TMEM53: variants seen among roughly 807,000 people sequenced by gnomAD.
The protein encoded by TMEM53 is novel DUF829 domain-containing protein.
Under a neutral mutation model 21.4 loss-of-function variants are expected in TMEM53, and 14 were observed. That is an observed-to-expected ratio of 0.65 (90% CI 0.43 to 1.02). The LOEUF is 1.02. Among genes scored for constraint, TMEM53 ranks in the 50% least tolerant of loss-of-function variants. The pLI is 0.00. For synonymous variants in TMEM53, 148 were observed against 157.4 expected, an observed-to-expected ratio of 0.94 and a Z score of 0.45; for missense variants, 323 against 383.6, an observed-to-expected ratio of 0.84 and a Z score of 1.32.
chr1:44,672,182 G>C (rs1645007714), intron 1 of TMEM53, among the ~76,000 whole-genome samples: 1 of 152,228 alleles, frequency 6.6e-6, no homozygotes, highest in South Asian at 2.1e-4. Flanking sequence ...TGGACTGTGA[G>C]AGGGAAGGGC....
At chr1:44,660,147 C>G in intron 2 of TMEM53, 27 bp downstream of exon 2, 1 of 1,608,902 alleles carries the variant, frequency 6.2e-7, no homozygotes, top group Non-Finnish European at 8.5e-7. Flanking sequence ...CACGGCAGCC[C>G]AGGGGAGAGG....
rs1339294324 is a variant in TMEM53, at chr1:44,674,384, G to C, written c.8C>G (p.Ser3Trp). 3 of 1,611,454 alleles carry C rather than the reference G, an allele frequency of 1.9e-6. No homozygotes were observed. The highest frequency in any genetic ancestry group is 2.5e-6 in the Non-Finnish European group (3 of 1,178,704). Residue 3 changes from serine to tryptophan, a missense_variant, in exon 1 of 3, where the codon TCG becomes TGG. Around this residue, in one of 3 missense-constraint regions of TMEM53, gnomAD observed 49 missense variants for 32.9 expected, o/e 1.49. Transcript: ENST00000372237. MA[S>W]AELDYTIEIP... Reference sequence around the variant, plus strand: ...CTCGATGGTGTAGTCCAGCTCTGCCGAGGCCATGGTGAAGGCGCCGGCCCA... The same window carrying C: ...CTCGATGGTGTAGTCCAGCTCTGCCCAGGCCATGGTGAAGGCGCCGGCCCA...
chr1:44,654,488 CGACAGA>C lies in TMEM53; in HGVS notation c.*65_*70del. ...CAGGGAGTTGAACGAGAAGAGTGCC[CGACAGA>C]TTGCAGGTTGTGGGGAGGTGTCAGG... On this transcript the variant is annotated 3_prime_UTR_variant, in exon 3 of 3. Coordinates refer to ENST00000372237, the MANE Select transcript of TMEM53 (RefSeq NM_024587.4). This position sits in a 1 kb window ranked among gnomAD's most constrained non-coding sequence, Gnocchi z 7.0. 1 of 1,533,294 alleles carries C rather than the reference CGACAGA, an allele frequency of 6.5e-7. No homozygotes were observed. Among genetic ancestry groups the C allele is most frequent in the South Asian group, 1.2e-5 (1 of 81,162 alleles). 95.0% of individuals were successfully genotyped at this position (1,533,294 alleles called of 1,614,324 possible).
chr1:44,656,139 C>G (rs779574849), intron 2 of TMEM53, among the ~76,000 whole-genome samples: 9 of 152,022 alleles, frequency 5.9e-5, no homozygotes, highest in Non-Finnish European at 1.2e-4. Context: ...CAGACAGGTC[C>G]GGGTTCAACT....
intron 1 of TMEM53, 192 bp downstream of exon 1, chr1:44,674,139 G>C (rs1645053745): frequency 1.0e-6 from 1 of 985,172 alleles, no homozygotes; most frequent in East Asian, 1.1e-4. Context: ...CGCCAGGGAG[G>C]AACACTCTGG....
intron 2 of TMEM53, among the ~76,000 whole-genome samples, chr1:44,658,528 A>T (rs76605567): frequency 0.24 from 35,696 of 151,546 alleles, 5,353 homozygotes; most frequent in Middle Eastern, 0.35. Flanking sequence ...CCACCCCTCC[A>T]ATCTCCCCGC....
intron 1 of TMEM53, 83 bp from the exon 2 acceptor site, chr1:44,660,378 G>A (rs1279370252): frequency 6.6e-6 from 10 of 1,504,428 alleles, no homozygotes; most frequent in African/African-American, 1.4e-5. Flanking sequence ...GCAGCACTCC[G>A]GCTGCTGCAG....
intron 1 of TMEM53, among the ~76,000 whole-genome samples, chr1:44,661,774 G>C (rs1034378801): frequency 1.1e-4 from 16 of 152,280 alleles, no homozygotes; most frequent in Admixed American, 9.8e-4. Flanking sequence ...AGCACCATCT[G>C]TGCTGCCACC....
chr1:44,654,425 A>C lies in TMEM53; in HGVS notation c.*134T>G. ...GCCCCCAGGAGACAGGCCCATAGGA[A>C]TTTTCTACTTAGGGGACCGCAAAGT... On this transcript the variant is annotated 3_prime_UTR_variant, in exon 3 of 3. Transcript: ENST00000372237. The surrounding 1 kb of genome is among the most constrained non-coding windows in gnomAD (Gnocchi z 7.0). 1 of 1,071,328 alleles carries C rather than the reference A, an allele frequency of 9.3e-7. No individual in the cohort carries two copies. Among genetic ancestry groups the C allele is most frequent in the Non-Finnish European group, 1.3e-6 (1 of 742,322 alleles). 66.4% of individuals were successfully genotyped at this position (1,071,328 alleles called of 1,614,324 possible).
At chr1:44,669,279 G>T (rs955732661) in intron 1 of TMEM53, among the ~76,000 whole-genome samples, 4 of 152,042 alleles carry the variant, frequency 2.6e-5, no homozygotes, top group Non-Finnish European at 2.9e-5. Flanking sequence ...ATTTTTAGTG[G>T]CTTCAGAGAG....
In TMEM53 at chr1:44,660,283, C is replaced by G. The variant is rs776361182; in HGVS notation, c.74G>C (p.Ser25Thr). The G allele has an allele frequency of 1.2e-6, 2 of 1,613,588 alleles. No homozygotes were observed. Among genetic ancestry groups the G allele is most frequent in the South Asian group, 2.2e-5 (2 of 91,008 alleles). ...AGTTTCTGCCTCCTTCCCACCTGGG[C>G]TGGGGCTGTTCTCTGAAACACAGAT... is the stretch of plus-strand genomic sequence containing the variant. ...QPCWSQKNSP[S>T]PGGKEAETRQ... is the part of the protein sequence containing the mutation. The change falls in exon 2 of 3, where the codon AGC becomes ACC. Residue 25 changes from serine to threonine, a missense_variant. Ser to Thr is a moderately conservative substitution (Grantham distance 58). Around this residue, in one of 3 missense-constraint regions of TMEM53, gnomAD observed 49 missense variants for 32.9 expected, o/e 1.49. Coordinates refer to ENST00000372237, the MANE Select transcript of TMEM53 (RefSeq NM_024587.4).
In TMEM53 at chr1:44,661,932, T is replaced by G. The variant is rs139921312; in HGVS notation, c.62-1637A>C. Among the ~76,000 whole-genome samples the G allele has an allele frequency of 5.4e-3, 820 of 152,282 alleles. 11 individuals carry two copies. Among genetic ancestry groups the G allele is most frequent in the African/African-American group, 0.019 (783 of 41,550 alleles). On this transcript the variant is annotated intron_variant, in intron 1 of 2. Transcript: ENST00000372237. ...GAATACCCGCCCCCTCAGGGGGACT[T>G]CTGTACAAGGACCGTCTGTAGCCAG... is the stretch of plus-strand genomic sequence containing the variant.
intron 1 of TMEM53, among the ~76,000 whole-genome samples, chr1:44,667,478 T>C (rs1644959885): frequency 6.6e-6 from 1 of 151,944 alleles, no homozygotes; most frequent in Non-Finnish European, 1.5e-5. Context: ...CGGCTAATTT[T>C]TGTGGTTTCA....
At position 44,674,356 on chromosome 1, in the gene TMEM53, G is replaced by A; in HGVS notation, c.36C>T (p.Ile12=). 6.2e-7 allele frequency: 1 copy of A among 1,613,102 alleles called. No homozygotes were observed. Among genetic ancestry groups the A allele is most frequent in the East Asian group, 2.2e-5 (1 of 44,752 alleles). The change falls in exon 1 of 3, where the codon ATC becomes ATT. Residue 12 remains isoleucine, a synonymous_variant. Coordinates refer to ENST00000372237, the MANE Select transcript of TMEM53 (RefSeq NM_024587.4). ...ASAELDYTIE[I]PDQPCWSQKN... ...TCTGGCTCCAGCAGGGCTGATCCGG[G>A]ATCTCGATGGTGTAGTCCAGCTCTG...
chr1:44,670,889 C>A (rs1644994049), intron 1 of TMEM53, among the ~76,000 whole-genome samples: 2 of 152,190 alleles, frequency 1.3e-5, no homozygotes, highest in South Asian at 4.1e-4. Flanking sequence ...GGCCTATGAG[C>A]AAGTCACAGA....
intron 2 of TMEM53, among the ~76,000 whole-genome samples, chr1:44,659,508 T>G (rs1263744140): frequency 6.6e-6 from 1 of 152,222 alleles, no homozygotes; most frequent in African/African-American, 2.4e-5. Flanking sequence ...GAATCTCTTT[T>G]CCAAGAGGCC....
Position 44,654,259 on chromosome 1 carries a change from T to C in TMEM53, c.*300A>G, listed in dbSNP as rs1644826389. On this transcript the variant is annotated 3_prime_UTR_variant, in exon 3 of 3. Transcript: ENST00000372237. This position sits in a 1 kb window ranked among gnomAD's most constrained non-coding sequence, Gnocchi z 7.0. ...ACACCCCCCTCCATTTGTCAACCTC[T>C]ACAGCCTGCATGCCACAGGAATCAG... 1 of 377,148 alleles carries C rather than the reference T, an allele frequency of 2.7e-6. No individual in the cohort carries two copies. The highest frequency in any genetic ancestry group is 4.7e-5 in the East Asian group (1 of 21,168). The allele number at this position is 377,148 out of a possible 1,614,324, so 23.4% of individuals were successfully genotyped here. A position where few individuals can be genotyped will look rare whatever the true frequency, so the allele number is the denominator to read the frequency against.
At chr1:44,673,821 C>A in intron 1 of TMEM53, 1 of 983,186 alleles carries the variant, frequency 1.0e-6, no homozygotes, top group Non-Finnish European at 1.2e-6. Context: ...GAGTTCTACC[C>A]GACGGCAGAG....
chr1:44,674,081 A>G, intron 1 of TMEM53: 1 of 985,462 alleles, frequency 1.0e-6, no homozygotes, highest in Non-Finnish European at 1.2e-6. Flanking sequence ...CAGGAAAGAC[A>G]GAAAAAGAGG....
Sources: gnomAD v4.1 joint callset for allele counts (sites outside exome capture counted in the v4.1 genomes callset) on GRCh38, gnomAD v4.1.1 for gene constraint, gnomAD v4.1.1 regional missense constraint, Gnocchi (gnomAD v3.1) non-coding constraint, MANE v1.5 for transcripts, NCBI Gene and HGNC (gene_info 2026-07-23, HGNC 2026-07-21) for gene names.